Variants in PALM2AKAP2 observed in about 807,000 individuals in gnomAD.
The protein encoded by PALM2AKAP2 is PALM2 and AKAP2 fusion.
A neutral mutation model predicts 71.5 loss-of-function variants in PALM2AKAP2; 37 were observed. That is an observed-to-expected ratio of 0.52 (90% CI 0.40 to 0.68). The LOEUF (loss-of-function observed/expected upper bound fraction) is 0.68. Among genes scored for constraint, PALM2AKAP2 ranks in the 30% least tolerant of loss-of-function variants. PALM2AKAP2 has a pLI of 0.00. For missense variants in PALM2AKAP2, 1,224 were observed against 1,191.8 expected (o/e 1.03, Z -0.40); for synonymous variants, 468 against 478.8 (o/e 0.98, Z 0.29).
chr9:109,859,550 A>G (rs936529311), intron 1 of PALM2AKAP2, among the ~76,000 whole-genome samples: 6 of 152,248 alleles, frequency 3.9e-5, no homozygotes, highest in Non-Finnish European at 8.8e-5. Flanking sequence ...ATGTGTACAA[A>G]TATCATATGT....
At chr9:109,678,819 A>C (rs182753158) in intron 1 of PALM2AKAP2, among the ~76,000 whole-genome samples, 1 of 152,290 alleles carries the variant, frequency 6.6e-6, no homozygotes, top group African/African-American at 2.4e-5. Flanking sequence ...AATGGATGAT[A>C]AGTCATAGGT....
At chr9:109,818,575 C>A (rs993903791) in intron 1 of PALM2AKAP2, among the ~76,000 whole-genome samples, 1 of 152,168 alleles carries the variant, frequency 6.6e-6, no homozygotes, top group Non-Finnish European at 1.5e-5. Flanking sequence ...ATTAAACATA[C>A]TACCTGCTAA....
In PALM2AKAP2 at chr9:109,901,558, G is replaced by A. The variant is rs1244166587; in HGVS notation, c.257+20877G>A. Among the ~76,000 whole-genome samples, 9 of 152,234 alleles carry A rather than the reference G, an allele frequency of 5.9e-5. No individual in the cohort carries two copies. In the South Asian group the frequency reaches 1.9e-3, roughly 32 times the overall value. ...ACCACAGAAGCAGTTCTGGAGAAGA[G>A]TCAGAATAGCAGATTGGAAACAGCT... On this transcript the variant is annotated intron_variant, in intron 3 of 9. Transcript: ENST00000302798.
At chr9:109,699,185 A>G (rs1587872536) in intron 1 of PALM2AKAP2, among the ~76,000 whole-genome samples, 3 of 152,334 alleles carry the variant, frequency 2.0e-5, no homozygotes, top group African/African-American at 7.2e-5. Flanking sequence ...AATCAAACAC[A>G]AGATACCATT....
intron 1 of PALM2AKAP2, among the ~76,000 whole-genome samples, chr9:110,082,375 A>G (rs1834469574): frequency 6.6e-6 from 1 of 152,204 alleles, no homozygotes; most frequent in Non-Finnish European, 1.5e-5. Context: ...GCGTCTTAAC[A>G]TAAGAGGGTC....
At chr9:109,950,024 C>T (rs1205629810) in intron 6 of PALM2AKAP2, among the ~76,000 whole-genome samples, 1 of 152,146 alleles carries the variant, frequency 6.6e-6, no homozygotes, top group Non-Finnish European at 1.5e-5. Flanking sequence ...GTGGCTTATG[C>T]CTGTAATCCC....
intron 6 of PALM2AKAP2, among the ~76,000 whole-genome samples, chr9:110,001,385 G>A (rs1832677965): frequency 6.6e-6 from 1 of 152,096 alleles, no homozygotes; most frequent in African/African-American, 2.4e-5. Flanking sequence ...CTCTGTTTTG[G>A]TACCAGTACC....
intron 1 of PALM2AKAP2, among the ~76,000 whole-genome samples, chr9:109,840,307 A>G (rs1283974886): frequency 6.6e-6 from 1 of 152,258 alleles, no homozygotes; most frequent in Non-Finnish European, 1.5e-5. Flanking sequence ...AAAACTGGCT[A>G]GCCATATGTA....
At chr9:110,007,128 A>G (rs1296819607) in intron 6 of PALM2AKAP2, among the ~76,000 whole-genome samples, 1 of 152,188 alleles carries the variant, frequency 6.6e-6, no homozygotes, top group Non-Finnish European at 1.5e-5. Context: ...GAACATTTTA[A>G]TGACACATGG....
chr9:109,810,072 T>C (rs1410472421), intron 1 of PALM2AKAP2, among the ~76,000 whole-genome samples: 1 of 152,168 alleles, frequency 6.6e-6, no homozygotes, highest in Non-Finnish European at 1.5e-5. Context: ...CCTAATATAA[T>C]CACATTGATA....
intron 2 of PALM2AKAP2, among the ~76,000 whole-genome samples, chr9:110,145,159 C>T (rs534195794): frequency 2.0e-5 from 3 of 152,206 alleles, no homozygotes; most frequent in East Asian, 1.9e-4. Context: ...CCTTCTTTTG[C>T]GGTGGCCTGG....
At chr9:109,995,207 CT>C (rs1259990386) in intron 6 of PALM2AKAP2, among the ~76,000 whole-genome samples, 1 of 152,180 alleles carries the variant, frequency 6.6e-6, no homozygotes, top group Non-Finnish European at 1.5e-5. Flanking sequence ...ACACCCAGAA[CT>C]CAGGGTGGAA....
At chr9:109,711,163 T>TAA (rs11448146) in intron 1 of PALM2AKAP2, among the ~76,000 whole-genome samples, 32 of 150,430 alleles carry the variant, frequency 2.1e-4, no homozygotes, top group Middle Eastern at 3.4e-3. Context: ...GTTCTTAATT[T>TAA]AAAAAAAAAA....
At chr9:110,064,455 A>C (rs758018410) in intron 1 of PALM2AKAP2, among the ~76,000 whole-genome samples, 1 of 152,206 alleles carries the variant, frequency 6.6e-6, no homozygotes, top group African/African-American at 2.4e-5. Context: ...TGAGGGCTCA[A>C]GTGAGTCCAG....
chr9:109,951,759 GC>G (rs1218568690), intron 6 of PALM2AKAP2, among the ~76,000 whole-genome samples: 1 of 152,168 alleles, frequency 6.6e-6, no homozygotes, highest in East Asian at 1.9e-4. Context: ...TACCTGGACC[GC>G]CGGTTTGGGT....
intron 6 of PALM2AKAP2, among the ~76,000 whole-genome samples, chr9:109,971,853 C>A (rs1832076326): frequency 6.6e-6 from 1 of 152,276 alleles, no homozygotes; most frequent in East Asian, 1.9e-4. Context: ...CCACAGGGAC[C>A]ATTTCTCCTA....
chr9:109,910,171 C>T (rs576796174), intron 3 of PALM2AKAP2, among the ~76,000 whole-genome samples: 2 of 152,248 alleles, frequency 1.3e-5, no homozygotes, highest in South Asian at 2.1e-4. Context: ...TGATAGTAAG[C>T]GAGGGTCAAG....
chr9:109,762,031 G>C (rs1829062549), intron 1 of PALM2AKAP2, among the ~76,000 whole-genome samples: 2 of 152,180 alleles, frequency 1.3e-5, no homozygotes, highest in Non-Finnish European at 2.9e-5. Context: ...AAAAAGTCAG[G>C]AAACAACAGA....
chr9:109,833,160 G>C (rs1828357015), intron 1 of PALM2AKAP2, among the ~76,000 whole-genome samples: 1 of 152,118 alleles, frequency 6.6e-6, no homozygotes, highest in Non-Finnish European at 1.5e-5. Flanking sequence ...TTTGAGACCA[G>C]CCTGACCAAC....
Sources: allele counts gnomAD v4.1 joint callset (sites outside exome capture counted in the v4.1 genomes callset), GRCh38; gene constraint gnomAD v4.1.1; transcripts MANE v1.5; gene names NCBI Gene and HGNC (gene_info 2026-07-23, HGNC 2026-07-21).